The following SCO1 variants were observed in gnomAD, a reference collection of about 807,000 sequenced individuals.
SCO1 encodes synthesis of cytochrome C oxidase 1.
In SCO1, 23 loss-of-function variants were observed where a neutral mutation model predicts 34.0. The observed-to-expected ratio is 0.68, with a 90% CI of 0.49 to 0.96. The LOEUF is 0.96. Ranked by LOEUF, SCO1 falls within the 40% of genes least tolerant of loss-of-function variation. The probability of loss-of-function intolerance (pLI) is 0.00; values close to 1 mark genes in which losing one functional copy is unlikely to be tolerated. For synonymous variants in SCO1, 161 were observed against 145.5 expected, an observed-to-expected ratio of 1.11 and a Z score of -0.77; for missense variants, 404 against 381.6, an observed-to-expected ratio of 1.06 and a Z score of -0.49.
rs1323971466 is a variant in SCO1 at position 10,676,566 on chromosome 17, A to G, written c.*4553T>C. On this transcript the variant is annotated 3_prime_UTR_variant, in exon 6 of 6. Coordinates refer to ENST00000255390, the MANE Select transcript of SCO1 (RefSeq NM_004589.4). The stretch of plus-strand genomic sequence containing the variant: ...TTCTACTTTTTGAATAAGTTTCCAA[A>G]TTTTCACAATAAAAAGGAAAAAAAG... 1 of 152,124 alleles carries G rather than the reference A, an allele frequency of 6.6e-6. No individual in the cohort carries two copies. The highest frequency in any genetic ancestry group is 1.9e-4 in the East Asian group (1 of 5,186). The allele number at this position is 152,124 out of a possible 1,614,324, so 9.4% of individuals were successfully genotyped here. A position where few individuals can be genotyped will look rare whatever the true frequency, so the allele number is the denominator to read the frequency against.
intron 1 of SCO1, among the ~76,000 whole-genome samples, chr17:10,696,060 C>A (rs972518150): frequency 3.9e-4 from 42 of 107,354 alleles, no homozygotes; most frequent in Non-Finnish European, 5.9e-4. Flanking sequence ...AGTCAGTTCT[C>A]TTCATGTAAA....
rs1480585491 is a variant in SCO1, at chr17:10,672,498, GGTAT to G, written c.*8617_*8620del. On this transcript the variant is annotated 3_prime_UTR_variant, in exon 6 of 6. Coordinates refer to ENST00000255390, the MANE Select transcript of SCO1 (RefSeq NM_004589.4). Reference sequence around the variant, plus strand: ...GTAATTTTTAAGTAAGGTTTATTGAGGTATGTATATTACAATTCACCCTTTTAAA... The same window carrying G: ...GTAATTTTTAAGTAAGGTTTATTGAGGTATATTACAATTCACCCTTTTAAA... 6.6e-6 allele frequency: 1 copy of G among 151,962 alleles called. No homozygotes were observed. The highest frequency in any genetic ancestry group is 1.5e-5 in the Non-Finnish European group (1 of 68,008). 9.4% of individuals were successfully genotyped at this position (151,962 alleles called of 1,614,324 possible).
At position 10,677,662 on chromosome 17, in the gene SCO1, C is replaced by T. The variant is rs985756989; in HGVS notation, c.*3457G>A. ...CTTAAGATATCAGCTGCTTCATGAACAGCCAGACACATGAATACATTCATG... is the reference window on the plus strand; with the variant it reads ...CTTAAGATATCAGCTGCTTCATGAATAGCCAGACACATGAATACATTCATG... On this transcript the variant is annotated 3_prime_UTR_variant, in exon 6 of 6. Coordinates refer to ENST00000255390, the MANE Select transcript of SCO1 (RefSeq NM_004589.4). The T allele has an allele frequency of 1.3e-5, 2 of 152,200 alleles. No homozygotes were observed. Among genetic ancestry groups the T allele is most frequent in the African/African-American group, 4.8e-5 (2 of 41,444 alleles). 9.4% of individuals were successfully genotyped at this position (152,200 alleles called of 1,614,324 possible). A position where few individuals can be genotyped will look rare whatever the true frequency, so the allele number is the denominator to read the frequency against.
At chr17:10,681,310 T>C in intron 5 of SCO1, 57 bp from the exon 6 acceptor site, 2 of 1,566,060 alleles carry the variant, frequency 1.3e-6, no homozygotes, top group Non-Finnish European at 1.8e-6. Flanking sequence ...CTGCTTATTT[T>C]ACTGAATGTA....
At chr17:10,691,304 A>G (rs2074687804) in intron 4 of SCO1, among the ~76,000 whole-genome samples, 1 of 152,110 alleles carries the variant, frequency 6.6e-6, no homozygotes, top group South Asian at 2.1e-4. Context: ...TATTTTTAGT[A>G]GAGACGGGGC....
intron 5 of SCO1, among the ~76,000 whole-genome samples, chr17:10,686,235 C>T (rs753062122): frequency 1.3e-5 from 2 of 151,318 alleles, no homozygotes; most frequent in Non-Finnish European, 2.9e-5. Context: ...GAGTGAGACT[C>T]CGTCTCGAAA....
intron 3 of SCO1, 48 bp downstream of exon 3, chr17:10,692,716 A>T: frequency 4.0e-6 from 6 of 1,492,060 alleles, no homozygotes; most frequent in Non-Finnish European, 5.6e-6. Flanking sequence ...AAAACCTGGT[A>T]ACATGAAGTA....
At position 10,679,496 on chromosome 17, in the gene SCO1, C is replaced by T. The variant is rs2074605891; in HGVS notation, c.*1623G>A. 2 of 152,192 alleles carry T rather than the reference C, an allele frequency of 1.3e-5. No homozygotes were observed. Among genetic ancestry groups the T allele is most frequent in the Admixed American group, 6.5e-5 (1 of 15,278 alleles). The allele number at this position is 152,192 out of a possible 1,614,324, so 9.4% of individuals were successfully genotyped here. On this transcript the variant is annotated 3_prime_UTR_variant, in exon 6 of 6. Coordinates refer to ENST00000255390, the MANE Select transcript of SCO1 (RefSeq NM_004589.4). ...TGAGAATTTAAAAACCAAAAGACCT[C>T]TATCATGTGCGTGTAGAAACATATC...
intron 2 of SCO1, chr17:10,695,502 T>C (rs1244271159): frequency 8.6e-6 from 4 of 462,712 alleles, no homozygotes; most frequent in African/African-American, 5.9e-5. Flanking sequence ...ATACAATCTG[T>C]AATTTAATAG....
intron 5 of SCO1, 137 bp downstream of exon 5, chr17:10,686,590 A>C: frequency 1.4e-6 from 1 of 706,832 alleles, no homozygotes; most frequent in Non-Finnish European, 2.5e-6. Flanking sequence ...TCAAAAAAAA[A>C]AAAAAAAAAA....
chr17:10,681,491 G>A (rs921085853), intron 5 of SCO1, among the ~76,000 whole-genome samples: 1 of 152,200 alleles, frequency 6.6e-6, no homozygotes, highest in African/African-American at 2.4e-5. Context: ...GCTAGAACCT[G>A]AAATTCTTTT....
Position 10,695,838 on chromosome 17 carries a change from G to T in SCO1, c.274-7C>A. On this transcript the variant is annotated splice_region_variant and splice_polypyrimidine_tract_variant and intron_variant, in intron 1 of 5. Transcript: ENST00000255390. Reference sequence around the variant, plus strand: ...AAGACTTCCAGGAAACAGGCTACTGGGGCAGGGATTTCAAACATAAAAATT... The same window carrying T: ...AAGACTTCCAGGAAACAGGCTACTGTGGCAGGGATTTCAAACATAAAAATT... 1.2e-6 allele frequency: 2 copies of T among 1,607,140 alleles called. No individual in the cohort carries two copies. Among genetic ancestry groups the T allele is most frequent in the Non-Finnish European group, 1.7e-6 (2 of 1,174,600 alleles).
rs1355009732 is a variant in SCO1 at position 10,673,864 on chromosome 17, T to C, written c.*7255A>G. The C allele has an allele frequency of 6.6e-6, 1 of 152,210 alleles. No homozygotes were observed. The highest frequency in any genetic ancestry group is 6.5e-5 in the Admixed American group (1 of 15,284). The allele number at this position is 152,210 out of a possible 1,614,324, so 9.4% of individuals were successfully genotyped here. On this transcript the variant is annotated 3_prime_UTR_variant, in exon 6 of 6. Coordinates refer to ENST00000255390, the MANE Select transcript of SCO1 (RefSeq NM_004589.4). ...GTTCTGACAGGGAGTGACAGTCGTC[T>C]TTGACAAAAATTTCAAAAGTGGGGC...
chr17:10,692,513 A>G (rs747734410), intron 3 of SCO1, among the ~76,000 whole-genome samples: 4 of 152,228 alleles, frequency 2.6e-5, no homozygotes, highest in Non-Finnish European at 5.9e-5. Flanking sequence ...AAAGGAAGGG[A>G]CACAAAAGTA....
At chr17:10,683,148 A>T (rs2074632829) in intron 5 of SCO1, among the ~76,000 whole-genome samples, 1 of 152,176 alleles carries the variant, frequency 6.6e-6, no homozygotes, top group African/African-American at 2.4e-5. Context: ...CCTTAGAGTG[A>T]ACCAATGCCA....
rs1389803819 is a variant in SCO1 at position 10,676,488 on chromosome 17, T to G, written c.*4631A>C. ...GTGGGTGGGGGGGTGCAGACAAAAT[T>G]AAATGGTGGTAATCACTGAAGCTTG... On this transcript the variant is annotated 3_prime_UTR_variant, in exon 6 of 6. Coordinates refer to ENST00000255390, the MANE Select transcript of SCO1 (RefSeq NM_004589.4). 6.6e-6 allele frequency: 1 copy of G among 152,126 alleles called. No individual in the cohort carries two copies. The highest frequency in any genetic ancestry group is 1.5e-5 in the Non-Finnish European group (1 of 68,028). The allele number at this position is 152,126 out of a possible 1,614,324, so 9.4% of individuals were successfully genotyped here.
At chr17:10,690,887 A>G (rs1189556796) in intron 4 of SCO1, among the ~76,000 whole-genome samples, 1 of 152,242 alleles carries the variant, frequency 6.6e-6, no homozygotes, top group Admixed American at 6.5e-5. Flanking sequence ...ATTTGTGGCA[A>G]TGGAGATGAG....
At chr17:10,684,373 C>CCAG (rs1328753992) in intron 5 of SCO1, among the ~76,000 whole-genome samples, 13 of 152,130 alleles carry the variant, frequency 8.5e-5, no homozygotes, top group Non-Finnish European at 1.5e-4. Flanking sequence ...TCAACACTAA[C>CCAG]CAGGCAAGGC....
intron 5 of SCO1, among the ~76,000 whole-genome samples, chr17:10,685,925 A>G (rs1234241744): frequency 6.6e-6 from 1 of 152,178 alleles, no homozygotes; most frequent in Non-Finnish European, 1.5e-5. Flanking sequence ...TCAAACAATC[A>G]TCTTTTAAAA....
Sources: gnomAD v4.1 joint callset for allele counts (sites outside exome capture counted in the v4.1 genomes callset) on GRCh38, gnomAD v4.1.1 for gene constraint, MANE v1.5 for transcripts, NCBI Gene and HGNC (gene_info 2026-07-23, HGNC 2026-07-21) for gene names.